Variants in ARFGEF1 observed in about 807,000 individuals in gnomAD.
The protein encoded by ARFGEF1 is brefeldin A-inhibited guanine nucleotide-exchange protein 1.
In ARFGEF1, 42 loss-of-function variants were observed where a neutral mutation model predicts 231.0. The observed-to-expected ratio is 0.18, with a 90% CI of 0.14 to 0.24. The LOEUF (loss-of-function observed/expected upper bound fraction) is 0.24. ARFGEF1 is among the 10% of genes least tolerant of loss of function. The probability of loss-of-function intolerance (pLI) is 1.00; values close to 1 mark genes in which losing one functional copy is unlikely to be tolerated. For missense variants in ARFGEF1, 1,345 were observed against 2,192.0 expected (o/e 0.61, Z 7.72); for synonymous variants, 710 against 732.3 (o/e 0.97, Z 0.49).
Position 67,276,918 on chromosome 8 carries a change from T to A in ARFGEF1, c.1203+364A>T, listed in dbSNP as rs368206859. Among the ~76,000 whole-genome samples the A allele has an allele frequency of 1.3e-4, 20 of 152,298 alleles. 1 individual carries two copies. Among genetic ancestry groups the A allele is most frequent in the East Asian group, 9.7e-4 (5 of 5,180 alleles). On this transcript the variant is annotated intron_variant, in intron 8 of 38. Transcript: ENST00000262215. ...GCGTCATCTTGGCACTCAAAAAGTT[T>A]TGGATTTGGAGCATTTTGAATTTCA... is the stretch of plus-strand genomic sequence containing the variant.
At chr8:67,311,210 G>A (rs1461438599) in intron 1 of ARFGEF1, among the ~76,000 whole-genome samples, 28 of 137,420 alleles carry the variant, frequency 2.0e-4, no homozygotes, top group East Asian at 4.5e-4. Context: ...CCCTCTGCCT[G>A]GCCAGCCGCC....
rs534592822 is a variant in ARFGEF1 at position 67,184,510 on chromosome 8, G to C, written c.561-8938C>G. Among the ~76,000 whole-genome samples, 85 of 152,012 alleles carry C rather than the reference G, an allele frequency of 5.6e-4. 1 individual carries two copies. Among genetic ancestry groups the C allele is most frequent in the Middle Eastern group, 3.4e-3 (1 of 294 alleles). ...CCCAGTACTTTGGGAGGCTGAGGTG[G>C]GCGGATCACCTGAAGTCAGGAGTTC... is the stretch of plus-strand genomic sequence containing the variant. On this transcript the variant is annotated intron_variant, in intron 5 of 5. Transcript: ENST00000518789.
chr8:67,218,212 A>ATATATATATATATATATATT (rs2128866001), intron 30 of ARFGEF1, 74 bp from the exon 31 acceptor site: 2 of 187,290 alleles, frequency 1.1e-5, no homozygotes. Context: ...AAAAAAATAT[A>ATATATATATATATATATATT]TATATATATA....
At chr8:67,192,327 G>C (rs970609665) in intron 5 of ARFGEF1, among the ~76,000 whole-genome samples, 1 of 152,008 alleles carries the variant, frequency 6.6e-6, no homozygotes, top group Non-Finnish European at 1.5e-5. Flanking sequence ...CACCTGCCTC[G>C]GCCTCCCAGA....
intron 20 of ARFGEF1, among the ~76,000 whole-genome samples, chr8:67,239,367 G>A (rs1276758180): frequency 6.6e-6 from 1 of 152,058 alleles, no homozygotes; most frequent in Non-Finnish European, 1.5e-5. Context: ...TCAGTAACTT[G>A]TAAGTTTAGT....
intron 1 of ARFGEF1, among the ~76,000 whole-genome samples, chr8:67,307,207 G>T (rs977084796): frequency 6.6e-6 from 1 of 152,188 alleles, no homozygotes; most frequent in Non-Finnish European, 1.5e-5. Context: ...AATACTTATG[G>T]AATTCATCTT....
chr8:67,265,343 G>C (rs1292366922), intron 14 of ARFGEF1, among the ~76,000 whole-genome samples: 1 of 152,088 alleles, frequency 6.6e-6, no homozygotes, highest in South Asian at 2.1e-4. Flanking sequence ...GAATTTTTAA[G>C]TTTATAATAG....
At chr8:67,211,020 G>C (rs1838720284) in intron 34 of ARFGEF1, among the ~76,000 whole-genome samples, 1 of 146,832 alleles carries the variant, frequency 6.8e-6, no homozygotes, top group African/African-American at 2.5e-5. Flanking sequence ...CTCCAGCGTA[G>C]GCGACAGGGT....
Position 67,198,914 on chromosome 8 carries a change from A to G in ARFGEF1, c.*20T>C. The G allele has an allele frequency of 6.2e-7, 1 of 1,610,244 alleles. No individual in the cohort carries two copies. ...AAAGAGCAGAGGGATGTAAATGCCA[A>G]CAAAAATATTAAGTTCCCATCATTG... On this transcript the variant is annotated 3_prime_UTR_variant, in exon 39 of 39. Transcript: ENST00000262215.
intron 19 of ARFGEF1, among the ~76,000 whole-genome samples, chr8:67,247,216 G>T (rs943040469): frequency 6.7e-6 from 1 of 149,852 alleles, no homozygotes; most frequent in African/African-American, 2.5e-5. Context: ...AACAGAGTAG[G>T]AAGGAATATT....
chr8:67,192,323 C>T (rs1428252645), intron 5 of ARFGEF1, among the ~76,000 whole-genome samples: 2 of 152,168 alleles, frequency 1.3e-5, no homozygotes, highest in Non-Finnish European at 2.9e-5. Flanking sequence ...GATCCACCTG[C>T]CTCGGCCTCC....
Position 67,190,573 on chromosome 8 carries a change from T to C in ARFGEF1, c.560+9823A>G. The C allele has an allele frequency of 3.8e-6, 4 of 1,066,144 alleles. 1 individual carries two copies. In the Admixed American group the frequency reaches 7.1e-5, roughly 19 times the overall value. The allele number at this position is 1,066,144 out of a possible 1,614,324, so 66.0% of individuals were successfully genotyped here. ...GTATTGTAAGCAAAATCTTAGTAATTAAAAGGCTCTTGGTTTAGCTCTGGG... is the reference window on the plus strand; with the variant it reads ...GTATTGTAAGCAAAATCTTAGTAATCAAAAGGCTCTTGGTTTAGCTCTGGG... On this transcript the variant is annotated intron_variant, in intron 5 of 5. Transcript: ENST00000518789.
intron 1 of ARFGEF1, among the ~76,000 whole-genome samples, chr8:67,337,305 T>C (rs1263568850): frequency 6.6e-6 from 1 of 152,142 alleles, no homozygotes; most frequent in Non-Finnish European, 1.5e-5. Flanking sequence ...CCAAAGGCTT[T>C]TTCTATCCTA....
chr8:67,336,000 C>T (rs150871349), intron 1 of ARFGEF1, among the ~76,000 whole-genome samples: 2,464 of 152,274 alleles, frequency 0.016, 67 homozygotes, highest in African/African-American at 0.057. Context: ...CCACCTGCCT[C>T]GGCCTCCCGA....
chr8:67,288,146 C>A, intron 6 of ARFGEF1, 81 bp from the exon 7 acceptor site: 2 of 786,940 alleles, frequency 2.5e-6, no homozygotes, highest in South Asian at 2.7e-5. Context: ...TGAAAAAACT[C>A]CTAAATCATG....
chr8:67,244,364 T>TGAA (rs1444626954), intron 19 of ARFGEF1, among the ~76,000 whole-genome samples: 1 of 118,282 alleles, frequency 8.5e-6, no homozygotes, highest in African/African-American at 3.7e-5. Flanking sequence ...CAGGCTGGAG[T>TGAA]GAAGTGACAT....
At chr8:67,189,480 C>T (rs919439852) in intron 5 of ARFGEF1, among the ~76,000 whole-genome samples, 1 of 152,126 alleles carries the variant, frequency 6.6e-6, no homozygotes, top group African/African-American at 2.4e-5. Context: ...GGACCCAAAA[C>T]TTATTTTAGA....
Position 67,188,581 on chromosome 8 carries a change from A to G in ARFGEF1, c.560+11815T>C, listed in dbSNP as rs1835325310. Among the ~76,000 whole-genome samples the G allele has an allele frequency of 2.0e-5, 3 of 152,128 alleles. No homozygotes were observed. The South Asian group carries it at 6.2e-4, about 32-fold the overall frequency. On this transcript the variant is annotated intron_variant, in intron 5 of 5. Transcript: ENST00000518789. Reference sequence around the variant, plus strand: ...CCCATTGTATGGGAACTCTATTTTCATTCTATTAAATCTTGGAACTGCATG... The same window carrying G: ...CCCATTGTATGGGAACTCTATTTTCGTTCTATTAAATCTTGGAACTGCATG...
At chr8:67,208,811 A>G (rs1024711253) in intron 34 of ARFGEF1, among the ~76,000 whole-genome samples, 4 of 152,206 alleles carry the variant, frequency 2.6e-5, no homozygotes, top group Admixed American at 6.5e-5. Flanking sequence ...ATTTCTCCAA[A>G]TAAGATATAC....
Sources: allele counts gnomAD v4.1 joint callset (sites outside exome capture counted in the v4.1 genomes callset), GRCh38; gene constraint gnomAD v4.1.1; transcripts MANE v1.5; gene names NCBI Gene and HGNC (gene_info 2026-07-23, HGNC 2026-07-21).